Variants in SGIP1 observed in about 807,000 individuals in gnomAD.
SGIP1 encodes SH3GL interacting endocytic adaptor 1.
SGIP1 carries 38 observed loss-of-function variants against 107.5 expected under a neutral mutation model. The ratio of observed to expected loss-of-function variants is 0.35; its 90% confidence interval spans 0.27 to 0.46. The LOEUF (loss-of-function observed/expected upper bound fraction) is 0.46, where lower values mean the gene tolerates loss of function less well. SGIP1 is among the 20% of genes least tolerant of loss of function. SGIP1 has a pLI of 1.00. For missense variants in SGIP1, 929 were observed against 1,019.5 expected, an observed-to-expected ratio of 0.91 and a Z score of 1.21; for synonymous variants, 365 against 366.1, an observed-to-expected ratio of 1.00 and a Z score of 0.03.
At position 66,689,264 on chromosome 1, in the gene SGIP1, G is replaced by A. The variant is rs2089268627; in HGVS notation, c.1432G>A (p.Val478Ile). 6.2e-7 allele frequency: 1 copy of A among 1,613,416 alleles called. No homozygotes were observed. Among genetic ancestry groups the A allele is most frequent in the South Asian group, 1.1e-5 (1 of 90,956 alleles). ...AAAGCTACCTCCAGGAAAACCTGGA[G>A]TTGGAGATGTGGTATGTTCCCTTCT... ...RPKLPPGKPGVGDVSRPFSPP... is the reference protein window; with the variant it reads ...RPKLPPGKPGIGDVSRPFSPP... Residue 478 changes from valine to isoleucine, a missense_variant, in exon 16 of 25, where the codon GTT becomes ATT. This residue lies in a region of SGIP1 where 341 missense variants were observed against 430.9 expected (regional missense o/e 0.79). Transcript: ENST00000371037.
intron 1 of SGIP1, among the ~76,000 whole-genome samples, chr1:66,594,628 G>T (rs1221840851): frequency 6.6e-6 from 1 of 152,142 alleles, no homozygotes; most frequent in Non-Finnish European, 1.5e-5. Context: ...ACTCACCAGA[G>T]ATTTGCATAT....
intron 4 of SGIP1, among the ~76,000 whole-genome samples, chr1:66,639,569 G>A (rs972833395): frequency 2.0e-5 from 3 of 152,150 alleles, no homozygotes; most frequent in Non-Finnish European, 4.4e-5. Flanking sequence ...TGTGAAATAA[G>A]TACATATGCC....
chr1:66,652,187 G>A (rs1018033795), intron 7 of SGIP1, among the ~76,000 whole-genome samples: 1 of 151,928 alleles, frequency 6.6e-6, no homozygotes, highest in Non-Finnish European at 1.5e-5. Flanking sequence ...GAAAAAAATT[G>A]TGTCTACCTT....
chr1:66,716,647 T>C (rs931381856), intron 18 of SGIP1, among the ~76,000 whole-genome samples: 1 of 152,126 alleles, frequency 6.6e-6, no homozygotes, highest in Admixed American at 6.6e-5. Flanking sequence ...GTTCAGGGTG[T>C]TCTAACCCCA....
intron 21 of SGIP1, 69 bp from the exon 22 acceptor site, chr1:66,739,266 G>C: frequency 6.6e-7 from 1 of 1,517,588 alleles, no homozygotes; most frequent in East Asian, 2.4e-5. Flanking sequence ...AACAACATAT[G>C]ACATTTTGTT....
chr1:66,680,151 A>C (rs1396453321), intron 14 of SGIP1, among the ~76,000 whole-genome samples: 3 of 152,202 alleles, frequency 2.0e-5, no homozygotes, highest in Non-Finnish European at 4.4e-5. Context: ...CTAAGTCTAA[A>C]ACTATCTAGT....
At chr1:66,656,629 A>G (rs768340020) in intron 7 of SGIP1, among the ~76,000 whole-genome samples, 7 of 152,198 alleles carry the variant, frequency 4.6e-5, no homozygotes, top group Non-Finnish European at 8.8e-5. Context: ...AATGCATGAC[A>G]GTATTTATTA....
At chr1:66,598,549 C>T (rs1473234205) in intron 1 of SGIP1, among the ~76,000 whole-genome samples, 2 of 152,136 alleles carry the variant, frequency 1.3e-5, no homozygotes, top group South Asian at 2.1e-4. Context: ...AATTGGCCCA[C>T]GGTTCTGCAG....
chr1:66,718,999 T>C (rs1172973624), intron 18 of SGIP1, among the ~76,000 whole-genome samples: 1 of 152,196 alleles, frequency 6.6e-6, no homozygotes, highest in African/African-American at 2.4e-5. Flanking sequence ...TACTGCCTTA[T>C]GTTTTATGAG....
intron 1 of SGIP1, among the ~76,000 whole-genome samples, chr1:66,549,842 A>G (rs750246058): frequency 2.7e-4 from 41 of 152,120 alleles, no homozygotes; most frequent in South Asian, 6.2e-4. Flanking sequence ...TTTGGTTTCC[A>G]TCTATACACT....
intron 1 of SGIP1, among the ~76,000 whole-genome samples, chr1:66,594,668 T>G (rs897106105): frequency 1.3e-5 from 2 of 152,168 alleles, no homozygotes; most frequent in South Asian, 4.2e-4. Context: ...AAACTCCGGT[T>G]TATTAACTTG....
At position 66,620,784 on chromosome 1, in the gene SGIP1, A is replaced by T. The variant is rs200061394; in HGVS notation, c.11-5063A>T. On this transcript the variant is annotated intron_variant, in intron 1 of 24. Coordinates refer to ENST00000371037, the MANE Select transcript of SGIP1 (RefSeq NM_032291.4). Reference sequence around the variant, plus strand: ...ACCATCCAATTTGGCCAAGAGTTTCATGAAACAGTATTTATCCTTTCTATA... The same window carrying T: ...ACCATCCAATTTGGCCAAGAGTTTCTTGAAACAGTATTTATCCTTTCTATA... 3.9e-5 allele frequency among the ~76,000 whole-genome samples: 6 copies of T among 152,222 alleles called. No individual in the cohort carries two copies. The East Asian group carries it at 9.6e-4, about 24-fold the overall frequency.
intron 7 of SGIP1, among the ~76,000 whole-genome samples, chr1:66,654,538 G>C (rs755599193): frequency 2.6e-5 from 4 of 151,574 alleles, no homozygotes; most frequent in Non-Finnish European, 5.9e-5. Flanking sequence ...AAGCATAACA[G>C]TATAAGAAAA....
chr1:66,614,316 T>A (rs556289112), intron 1 of SGIP1, among the ~76,000 whole-genome samples: 1 of 152,238 alleles, frequency 6.6e-6, no homozygotes, highest in African/African-American at 2.4e-5. Context: ...TGTAACTTGA[T>A]GGATTTAAGT....
At chr1:66,727,691 C>T (rs779139327) in intron 19 of SGIP1, among the ~76,000 whole-genome samples, 9 of 152,094 alleles carry the variant, frequency 5.9e-5, no homozygotes, top group Non-Finnish European at 1.3e-4. Context: ...ACTACACAGC[C>T]ACAAAAAGAA....
chr1:66,634,502 A>C (rs986362899), intron 3 of SGIP1, among the ~76,000 whole-genome samples: 1 of 152,176 alleles, frequency 6.6e-6, no homozygotes. Context: ...TATGTGCTGC[A>C]TTAATGAACC....
At chr1:66,667,688 C>T in intron 9 of SGIP1, 147 bp downstream of exon 9, 2 of 724,738 alleles carry the variant, frequency 2.8e-6, no homozygotes, top group South Asian at 1.6e-5. Flanking sequence ...AAGCCTCTGA[C>T]CCTCTTAAGT....
intron 18 of SGIP1, among the ~76,000 whole-genome samples, chr1:66,710,331 T>G (rs1046429894): frequency 6.6e-6 from 1 of 152,146 alleles, no homozygotes; most frequent in Admixed American, 6.6e-5. Context: ...GAGGAGAGCC[T>G]GAAACTGTAT....
chr1:66,728,697 C>G (rs1459876721), intron 19 of SGIP1, among the ~76,000 whole-genome samples: 1 of 152,120 alleles, frequency 6.6e-6, no homozygotes, highest in African/African-American at 2.4e-5. Context: ...GACACAGAGT[C>G]AACCTAAACG....
Sources: gnomAD v4.1 joint callset for allele counts (sites outside exome capture counted in the v4.1 genomes callset) on GRCh38, gnomAD v4.1.1 for gene constraint, gnomAD v4.1.1 regional missense constraint, MANE v1.5 for transcripts, NCBI Gene and HGNC (gene_info 2026-07-23, HGNC 2026-07-21) for gene names.